The following SART3 variants were observed in gnomAD, a reference collection of about 807,000 sequenced individuals.
SART3 encodes spliceosome associated factor 3, U4/U6 recycling protein, also known as HIV-1 Tat-interacting protein of 110kDa.
Under a neutral mutation model 122.3 loss-of-function variants are expected in SART3, and 44 were observed. The observed-to-expected ratio is 0.36, with a 90% CI of 0.28 to 0.46. The LOEUF is 0.46. Ranked by LOEUF, SART3 falls within the 20% of genes least tolerant of loss-of-function variation. The pLI, the probability that SART3 is intolerant of heterozygous loss-of-function variation, is 1.00. For missense variants in SART3, 1,101 were observed against 1,229.0 expected (o/e 0.90, Z 1.56); for synonymous variants, 442 against 454.0 (o/e 0.97, Z 0.34).
At chr12:108,544,973 A>AG (rs777404718) in intron 4 of SART3, 166 bp downstream of exon 4, 56 of 769,448 alleles carry the variant, frequency 7.3e-5, no homozygotes, top group Non-Finnish European at 1.2e-4. Context: ...TAGAAGGGGT[A>AG]TAAAAAAAGG....
chr12:108,525,678 A>AC (rs1872340826), intron 16 of SART3, 69 bp from the exon 17 acceptor site: 4 of 1,519,280 alleles, frequency 2.6e-6, no homozygotes, highest in Non-Finnish European at 2.7e-6. Context: ...GACTCCTCTG[A>AC]CACCAGCCTT....
At chr12:108,551,233 G>C (rs764499002) in intron 1 of SART3, among the ~76,000 whole-genome samples, 8 of 152,152 alleles carry the variant, frequency 5.3e-5, no homozygotes, top group Non-Finnish European at 1.2e-4. Flanking sequence ...AAAATTACTA[G>C]AGATAAAAAG....
At position 108,525,465 on chromosome 12, in the gene SART3, T is replaced by G. The variant is rs1872326407; in HGVS notation, c.2515A>C (p.Lys839Gln). 6.2e-7 allele frequency: 1 copy of G among 1,614,188 alleles called. No homozygotes were observed. The highest frequency in any genetic ancestry group is 1.7e-5 in the Admixed American group (1 of 60,032). Reference protein sequence around the residue: ...DLRLVTNRAGKPKGLAYVEYE... With the variant: ...DLRLVTNRAGQPKGLAYVEYE... ...TCTGCTCTGACTCTGACCTTTGGTT[T>G]GCCAGCCCGGTTGGTGACCAGCCTG... The change falls in exon 17 of 19, where the codon AAA (lysine) becomes CAA (glutamine). Residue 839 changes from lysine (K) to glutamine (Q), a missense_variant. By Grantham distance (53) the Lys-to-Gln change is moderately conservative (BLOSUM62 1). Transcript: ENST00000546815.
intron 6 of SART3, among the ~76,000 whole-genome samples, chr12:108,540,040 G>A (rs1480815335): frequency 6.6e-6 from 1 of 152,094 alleles, no homozygotes; most frequent in Middle Eastern, 3.2e-3. Context: ...CAATCCTATT[G>A]TTGGCAAAGA....
chr12:108,535,258 A>T, intron 12 of SART3, 101 bp downstream of exon 12: 1 of 875,318 alleles, frequency 1.1e-6, no homozygotes, highest in South Asian at 1.3e-5. Flanking sequence ...AAAACAGCCC[A>T]GTTCTAAGGA....
intron 1 of SART3, among the ~76,000 whole-genome samples, chr12:108,559,664 CAAAAAA>C (rs35159668): frequency 1.0e-4 from 8 of 79,744 alleles, no homozygotes; most frequent in Admixed American, 1.3e-4. Flanking sequence ...GACTCTGTCT[CAAAAAA>C]AAAAAAAAAA....
chr12:108,528,055 G>A (rs1003721274), intron 15 of SART3, among the ~76,000 whole-genome samples: 3 of 152,028 alleles, frequency 2.0e-5, no homozygotes, highest in East Asian at 1.9e-4. Context: ...ATGAGCTACC[G>A]CGCCCAGCCA....
chr12:108,542,700 C>G (rs1873224021), intron 6 of SART3: 1 of 383,592 alleles, frequency 2.6e-6, no homozygotes, highest in Non-Finnish European at 5.0e-6. Flanking sequence ...ATTAAGGATA[C>G]TTTCATAGCT....
intron 11 of SART3, among the ~76,000 whole-genome samples, chr12:108,535,783 T>C (rs1347206316): frequency 8.4e-6 from 1 of 119,374 alleles, no homozygotes; most frequent in Non-Finnish European, 1.9e-5. Context: ...TGAGAGACAA[T>C]GTTAAAAAAA....
At chr12:108,534,059 A>C (rs1428302522) in intron 12 of SART3, among the ~76,000 whole-genome samples, 1 of 152,236 alleles carries the variant, frequency 6.6e-6, no homozygotes, top group African/African-American at 2.4e-5. Flanking sequence ...AGGTCAGAAT[A>C]ATGTGCAAAT....
intron 2 of SART3, 148 bp downstream of exon 2, chr12:108,548,940 A>T: frequency 8.2e-7 from 1 of 1,215,900 alleles, no homozygotes; most frequent in Non-Finnish European, 1.2e-6. Flanking sequence ...ACAATAAACT[A>T]AAAATAGCTA....
rs3217212 is a variant in SART3, at chr12:108,535,310, GTGCA to G, written c.1556+45_1556+48del. Reference sequence around the variant, plus strand: ...AGGAGTCAGCCAGGAGTGAAGACAGGTGCACAGCTGACAAGCACTGCCTCCCTCC... The same window carrying G: ...AGGAGTCAGCCAGGAGTGAAGACAGGCAGCTGACAAGCACTGCCTCCCTCC... On this transcript the variant is annotated intron_variant, in intron 12 of 18. Transcript: ENST00000546815. The G allele has an allele frequency of 6.3e-4, 909 of 1,448,114 alleles. 7 individuals carry two copies. The East Asian group carries it at 0.016, about 25-fold the overall frequency. The allele number at this position is 1,448,114 out of a possible 1,614,324, so 89.7% of individuals were successfully genotyped here.
chr12:108,558,725 T>C (rs527725545), intron 1 of SART3, among the ~76,000 whole-genome samples: 7 of 152,190 alleles, frequency 4.6e-5, no homozygotes, highest in Admixed American at 2.0e-4. Context: ...TAAATTAGCT[T>C]CAGCACACTT....
At chr12:108,560,788 G>C in intron 1 of SART3, 55 bp downstream of exon 1, 7 of 1,502,556 alleles carry the variant, frequency 4.7e-6, no homozygotes, top group Middle Eastern at 1.8e-4. Flanking sequence ...CCAGGACATG[G>C]GGACCCGAGG....
intron 1 of SART3, among the ~76,000 whole-genome samples, chr12:108,558,103 T>C (rs2030310334): frequency 1.3e-5 from 2 of 152,086 alleles, no homozygotes; most frequent in South Asian, 4.1e-4. Context: ...TGGGAGGTCC[T>C]AGCTGCAGTG....
intron 14 of SART3, among the ~76,000 whole-genome samples, chr12:108,530,785 G>C (rs1486026661): frequency 1.3e-5 from 2 of 152,018 alleles, no homozygotes; most frequent in Non-Finnish European, 2.9e-5. Flanking sequence ...GTGAACCCGG[G>C]AGGCAGAGCT....
At chr12:108,544,733 T>C (rs1372111262) in intron 4 of SART3, 2 of 614,570 alleles carry the variant, frequency 3.3e-6, no homozygotes, top group African/African-American at 1.8e-5. Context: ...GCCCAGCTAA[T>C]GTTTTAGTTC....
intron 11 of SART3, among the ~76,000 whole-genome samples, chr12:108,535,874 G>A (rs151279795): frequency 1.3e-5 from 2 of 151,474 alleles, no homozygotes; most frequent in Admixed American, 1.3e-4. Flanking sequence ...TACTTAACCT[G>A]TAATTCTCAG....
At chr12:108,526,819 A>T (rs1872408221) in intron 15 of SART3, among the ~76,000 whole-genome samples, 1 of 152,166 alleles carries the variant, frequency 6.6e-6, no homozygotes, top group Admixed American at 6.5e-5. Context: ...ACTCTTAATT[A>T]TACAAAAGGT....
Sources: allele counts gnomAD v4.1 joint callset (sites outside exome capture counted in the v4.1 genomes callset), GRCh38; gene constraint gnomAD v4.1.1; transcripts MANE v1.5; gene names NCBI Gene and HGNC (gene_info 2026-07-23, HGNC 2026-07-21).